DMXL2: variants seen among roughly 807,000 people sequenced by gnomAD.
DMXL2 encodes Dmx like 2, also known as dmX-like protein 2.
In DMXL2, 103 loss-of-function variants were observed where a neutral mutation model predicts 331.1. The ratio of observed to expected loss-of-function variants is 0.31; its 90% CI spans 0.27 to 0.37. DMXL2 has a LOEUF of 0.37. Ranked by LOEUF, DMXL2 falls within the 10% of genes least tolerant of loss-of-function variation. The probability of loss-of-function intolerance (pLI) is 1.00; values close to 1 mark genes in which losing one functional copy is unlikely to be tolerated. For synonymous variants in DMXL2, 1,281 were observed against 1,252.1 expected, an observed-to-expected ratio of 1.02 and a Z score of -0.49; for missense variants, 3,171 against 3,642.9, an observed-to-expected ratio of 0.87 and a Z score of 3.33.
At chr15:51,459,890 G>C (rs2039971449) in intron 33 of DMXL2, 10 of 1,125,226 alleles carry the variant, frequency 8.9e-6, no homozygotes, top group Non-Finnish European at 1.1e-5. Flanking sequence ...GAACATAAAA[G>C]CTATTTCAAA....
At chr15:51,488,292 T>C (rs926866135) in intron 21 of DMXL2, among the ~76,000 whole-genome samples, 173 bp from the exon 22 acceptor site, 3 of 152,228 alleles carry the variant, frequency 2.0e-5, no homozygotes, top group Non-Finnish European at 4.4e-5. Flanking sequence ...GGAAGGTCAA[T>C]AATGCCTTAT....
At chr15:51,454,477 T>C (rs563749355) in intron 40 of DMXL2, among the ~76,000 whole-genome samples, 1 of 152,294 alleles carries the variant, frequency 6.6e-6, no homozygotes, top group South Asian at 2.1e-4. Context: ...CTGGAACAAA[T>C]TGGAACAGAT....
intron 1 of DMXL2, among the ~76,000 whole-genome samples, chr15:51,580,491 G>A (rs534021401): frequency 1.2e-3 from 186 of 152,260 alleles, no homozygotes; most frequent in African/African-American, 3.7e-3. Context: ...TCCCTTGACC[G>A]GATTATCCCT....
At chr15:51,612,412 A>C (rs2054031537) in intron 1 of DMXL2, among the ~76,000 whole-genome samples, 3 of 152,134 alleles carry the variant, frequency 2.0e-5, no homozygotes, top group African/African-American at 7.2e-5. Flanking sequence ...CCAATATTTC[A>C]TATAGGTTAT....
intron 1 of DMXL2, among the ~76,000 whole-genome samples, chr15:51,609,869 G>T (rs555800426): frequency 6.6e-6 from 1 of 151,872 alleles, no homozygotes; most frequent in East Asian, 1.9e-4. Context: ...AACGGAGGTT[G>T]CAGTGAGCAG....
chr15:51,476,896 T>C (rs1379217515), intron 26 of DMXL2, among the ~76,000 whole-genome samples, 177 bp from the exon 27 acceptor site: 1 of 152,170 alleles, frequency 6.6e-6, no homozygotes, highest in Non-Finnish European at 1.5e-5. Flanking sequence ...ATGCTTATTG[T>C]TTCTTTTAAA....
intron 1 of DMXL2, among the ~76,000 whole-genome samples, chr15:51,599,795 G>A (rs140345036): frequency 0.019 from 2,879 of 152,124 alleles, 37 homozygotes; most frequent in Middle Eastern, 0.082. Flanking sequence ...CACCTCCCAC[G>A]TTCAAGCGAT....
intron 7 of DMXL2, 63 bp downstream of exon 7, chr15:51,547,167 T>C: frequency 7.1e-7 from 1 of 1,409,014 alleles, no homozygotes; most frequent in Admixed American, 2.5e-5. Flanking sequence ...AAGGACTTTA[T>C]TTTCATTATT....
intron 1 of DMXL2, among the ~76,000 whole-genome samples, chr15:51,604,126 C>T (rs907616200): frequency 2.6e-5 from 4 of 151,864 alleles, no homozygotes; most frequent in African/African-American, 4.8e-5. Flanking sequence ...CACGGCAATC[C>T]ACACATTAAT....
intron 13 of DMXL2, among the ~76,000 whole-genome samples, chr15:51,520,141 C>A (rs2047273942): frequency 6.6e-6 from 1 of 152,218 alleles, no homozygotes; most frequent in Non-Finnish European, 1.5e-5. Flanking sequence ...TATGCACATT[C>A]TTCTACCTCT....
intron 1 of DMXL2, among the ~76,000 whole-genome samples, chr15:51,594,857 T>G (rs956100856): frequency 1.3e-5 from 2 of 152,196 alleles, no homozygotes; most frequent in African/African-American, 4.8e-5. Context: ...TTTGACAAAA[T>G]TCAACAACCT....
At chr15:51,462,290 A>G (rs1453605225) in intron 33 of DMXL2, among the ~76,000 whole-genome samples, 3 of 152,152 alleles carry the variant, frequency 2.0e-5, no homozygotes, top group African/African-American at 7.2e-5. Context: ...CACTTTTCTA[A>G]GCGAAATATA....
intron 1 of DMXL2, among the ~76,000 whole-genome samples, chr15:51,592,499 T>A (rs1246089725): frequency 6.6e-6 from 1 of 152,188 alleles, no homozygotes. Context: ...CTCTACAGGA[T>A]ATTATCCAGG....
intron 8 of DMXL2, among the ~76,000 whole-genome samples, chr15:51,543,438 T>C (rs1393335074): frequency 6.6e-6 from 1 of 152,188 alleles, no homozygotes; most frequent in East Asian, 1.9e-4. Flanking sequence ...GTCCCCCACC[T>C]CTGGTCTCCC....
intron 1 of DMXL2, among the ~76,000 whole-genome samples, chr15:51,596,916 T>A (rs1022396645): frequency 3.9e-5 from 6 of 152,170 alleles, no homozygotes; most frequent in Admixed American, 2.6e-4. Context: ...CACCGGGGCC[T>A]GTTGTGAGGT....
intron 19 of DMXL2, among the ~76,000 whole-genome samples, chr15:51,492,188 A>G (rs533087780): frequency 6.6e-6 from 1 of 152,338 alleles, no homozygotes; most frequent in East Asian, 1.9e-4. Flanking sequence ...AAGAGGACAC[A>G]AGGTGTGTTA....
chr15:51,499,932 T>G lies in DMXL2; in HGVS notation c.3292A>C (p.Lys1098Gln). Residue 1098 changes from lysine to glutamine, a missense_variant, in exon 18 of 44, where the codon AAA becomes CAA. Around this residue, in one of 7 missense-constraint regions of DMXL2, gnomAD observed 1,674 missense variants for 1,780.2 expected, o/e 0.94. Transcript: ENST00000560891. ...ATACAAACATGCATGGAAAATTCTT[T>G]AGAAACAAAACCATTATGGTGGATA... is the stretch of plus-strand genomic sequence containing the variant. ...QPIHHNGFVS[K>Q]EFSMHVCIFE... The G allele has an allele frequency of 6.2e-7, 1 of 1,614,088 alleles. No individual in the cohort carries two copies. The highest frequency in any genetic ancestry group is 8.5e-7 in the Non-Finnish European group (1 of 1,179,976).
intron 31 of DMXL2, 119 bp downstream of exon 31, chr15:51,465,446 TA>T: frequency 1.3e-6 from 1 of 758,308 alleles, no homozygotes; most frequent in Non-Finnish European, 2.2e-6. Context: ...CAAGACTTTA[TA>T]AAATATCTAA....
chr15:51,448,908 T>C lies in DMXL2; in HGVS notation c.*76A>G, dbSNP rs1299940312. 2.1e-6 allele frequency: 3 copies of C among 1,406,638 alleles called. No individual in the cohort carries two copies. The highest frequency in any genetic ancestry group is 2.0e-5 in the Admixed American group (1 of 50,232). 87.1% of individuals were successfully genotyped at this position (1,406,638 alleles called of 1,614,324 possible). A position where few individuals can be genotyped will look rare whatever the true frequency, so the allele number is the denominator to read the frequency against. On this transcript the variant is annotated 3_prime_UTR_variant, in exon 44 of 44. Coordinates refer to ENST00000560891, the MANE Select transcript of DMXL2 (RefSeq NM_001378457.1). ...ATTCTCTGTTTTCAATACAACTGCTTAGAAAGCAGAATTGCCTAGTGATGA... is the reference window on the plus strand; with the variant it reads ...ATTCTCTGTTTTCAATACAACTGCTCAGAAAGCAGAATTGCCTAGTGATGA...
Sources: allele counts gnomAD v4.1 joint callset (sites outside exome capture counted in the v4.1 genomes callset), GRCh38; gene constraint gnomAD v4.1.1; regional missense constraint gnomAD v4.1.1; transcripts MANE v1.5; gene names NCBI Gene and HGNC (gene_info 2026-07-23, HGNC 2026-07-21).